The following MFAP1 variants were observed in gnomAD, a reference collection of about 807,000 sequenced individuals.
MFAP1 encodes the protein microfibrillar-associated protein 1.
Under a neutral mutation model 62.2 loss-of-function variants are expected in MFAP1, and 18 were observed. That is an observed-to-expected ratio of 0.29 (90% CI 0.20 to 0.43). The LOEUF is 0.43. Ranked by LOEUF, MFAP1 falls within the 20% of genes least tolerant of loss-of-function variation. The pLI is 1.00. For synonymous variants in MFAP1, 175 were observed against 180.4 expected, an observed-to-expected ratio of 0.97 and a Z score of 0.24; for missense variants, 355 against 559.7, an observed-to-expected ratio of 0.63 and a Z score of 3.69.
At chr15:43,816,928 A>G (rs1251692725) in intron 2 of MFAP1, among the ~76,000 whole-genome samples, 1 of 152,174 alleles carries the variant, frequency 6.6e-6, no homozygotes, top group Non-Finnish European at 1.5e-5. Flanking sequence ...CAGCCAACAA[A>G]TGGTCTGTGT....
chr15:43,807,368 T>G (rs956094736), intron 7 of MFAP1, among the ~76,000 whole-genome samples: 5 of 150,758 alleles, frequency 3.3e-5, no homozygotes, highest in African/African-American at 1.2e-4. Context: ...TTTTTTTTTT[T>G]GATACAGTCT....
intron 4 of MFAP1, 59 bp from the exon 5 acceptor site, chr15:43,813,416 C>G: frequency 6.7e-7 from 1 of 1,494,972 alleles, no homozygotes; most frequent in South Asian, 1.3e-5. Flanking sequence ...GCTTTGTTCC[C>G]CTAGACCTAG....
chr15:43,817,452 G>A lies in MFAP1; in HGVS notation c.80-4C>T, dbSNP rs760637752. 4 of 1,613,856 alleles carry A rather than the reference G, an allele frequency of 2.5e-6. No individual in the cohort carries two copies. The highest frequency in any genetic ancestry group is 2.2e-5 in the East Asian group (1 of 44,902). Reference sequence around the variant, plus strand: ...ACTTTTTCCATTGAAATCTCACCTGGGCGAGAAAGGTAACTTATGTTTCAG... The same window carrying A: ...ACTTTTTCCATTGAAATCTCACCTGAGCGAGAAAGGTAACTTATGTTTCAG... On this transcript the variant is annotated splice_polypyrimidine_tract_variant and splice_region_variant and intron_variant, in intron 1 of 8. Transcript: ENST00000267812.
chr15:43,818,801 T>C (rs777738278), intron 1 of MFAP1, among the ~76,000 whole-genome samples: 1 of 152,038 alleles, frequency 6.6e-6, no homozygotes, highest in Non-Finnish European at 1.5e-5. Flanking sequence ...GGTGGGAGAA[T>C]CACTGGAGCC....
chr15:43,805,095 T>C lies in MFAP1; in HGVS notation c.1319A>G (p.Ter440TrpextTer54), dbSNP rs2087354585. 1 of 1,580,336 alleles carries C rather than the reference T, an allele frequency of 6.3e-7. No homozygotes were observed. Among genetic ancestry groups the C allele is most frequent in the Non-Finnish European group, 8.7e-7 (1 of 1,154,220 alleles). ...GTTGGAAGAATAAGCAGTTGGACCC[T>C]AGGTAGTTTTCCGCTTCTTGGCAGA... is the stretch of plus-strand genomic sequence containing the variant. The part of the protein sequence containing the change: ...RPSAKKRKTT[*>W] Residue 440 changes from the stop codon to tryptophan, a stop_lost, in exon 9 of 9, where the codon TAG becomes TGG. Coordinates refer to ENST00000267812, the MANE Select transcript of MFAP1 (RefSeq NM_005926.3).
At chr15:43,811,655 C>A (rs1189594651) in intron 6 of MFAP1, among the ~76,000 whole-genome samples, 1 of 151,540 alleles carries the variant, frequency 6.6e-6, no homozygotes, top group East Asian at 2.0e-4. Context: ...ATAACAGGCA[C>A]ACACCACCAC....
chr15:43,809,539 T>C (rs1452847023), intron 7 of MFAP1, among the ~76,000 whole-genome samples: 1 of 151,224 alleles, frequency 6.6e-6, no homozygotes, highest in South Asian at 2.1e-4. Context: ...TTTTTGAGAG[T>C]TGGGGCCAAA....
intron 1 of MFAP1, among the ~76,000 whole-genome samples, chr15:43,821,424 C>A (rs2087466288): frequency 6.8e-6 from 1 of 147,440 alleles, no homozygotes; most frequent in African/African-American, 2.5e-5. Flanking sequence ...CAAGACAATG[C>A]TGAAGAAGAA....
In MFAP1 at chr15:43,814,989, G is replaced by C. The variant is rs1305083381; in HGVS notation, c.385C>G (p.Arg129Gly). 9 of 1,613,694 alleles carry C rather than the reference G, an allele frequency of 5.6e-6. No homozygotes were observed. Residue 129 changes from arginine (R) to glycine (G), a missense_variant, in exon 3 of 9, where the codon CGA (arginine) becomes GGA (glycine). Arg to Gly is a moderately radical substitution (Grantham distance 125). Around this residue, in one of 6 missense-constraint regions of MFAP1, gnomAD observed 257 missense variants for 341.3 expected, o/e 0.75. Coordinates refer to ENST00000267812, the MANE Select transcript of MFAP1 (RefSeq NM_005926.3). ...TCCTCTTCTTCACTGCTGTCTTCTC[G>C]TTCCATGCGCCAAGCATCTCCTTCT... ...EVEGDAWRME[R>G]EDSSEEEEEE...
intron 7 of MFAP1, among the ~76,000 whole-genome samples, chr15:43,806,729 A>G (rs975940905): frequency 6.6e-6 from 1 of 152,112 alleles, no homozygotes; most frequent in African/African-American, 2.4e-5. Flanking sequence ...AAAAAACACT[A>G]GGCCTGGTGG....
At chr15:43,811,828 T>C (rs1372545644) in intron 6 of MFAP1, among the ~76,000 whole-genome samples, 1 of 152,086 alleles carries the variant, frequency 6.6e-6, no homozygotes, top group Non-Finnish European at 1.5e-5. Flanking sequence ...TATTGATGGT[T>C]TCCTTTGTAA....
chr15:43,813,159 G>C lies in MFAP1; in HGVS notation c.727-12C>G, dbSNP rs772097392. 3 of 1,614,008 alleles carry C rather than the reference G, an allele frequency of 1.9e-6. No individual in the cohort carries two copies. Among genetic ancestry groups the C allele is most frequent in the Non-Finnish European group, 2.5e-6 (3 of 1,179,986 alleles). ...TCCTCTTCGACAATCTGGATAGGGA[G>C]AACAATTCAGCTTGGACTTCCTTAC... On this transcript the variant is annotated splice_polypyrimidine_tract_variant and intron_variant, in intron 5 of 8. Coordinates refer to ENST00000267812, the MANE Select transcript of MFAP1 (RefSeq NM_005926.3).
At chr15:43,823,027 C>T (rs2087476174) in intron 1 of MFAP1, among the ~76,000 whole-genome samples, 1 of 150,510 alleles carries the variant, frequency 6.6e-6, no homozygotes, top group Non-Finnish European at 1.5e-5. Flanking sequence ...TTAGTAGAGA[C>T]GGTTTCACCA....
intron 2 of MFAP1, among the ~76,000 whole-genome samples, chr15:43,815,679 C>T (rs187258296): frequency 2.0e-5 from 3 of 151,960 alleles, no homozygotes; most frequent in Admixed American, 6.6e-5. Flanking sequence ...GTCACCCAGG[C>T]TGAAGTGCAA....
At position 43,809,868 on chromosome 15, in the gene MFAP1, C is replaced by T. The variant is rs2087388451; in HGVS notation, c.934G>A (p.Glu312Lys). ...AEIERMRNLT[E>K]EERRAELRAN... ...CGAAGTTCAGCTCTCCTCTCTTCCT[C>T]AGTCAGGTTTCGCATGCGTTCAATT... The change falls in exon 7 of 9, where the codon GAG (glutamate) becomes AAG (lysine). Residue 312 changes from glutamate (E) to lysine (K), a missense_variant. By Grantham distance (56) the Glu-to-Lys change is moderately conservative. Around this residue, in one of 6 missense-constraint regions of MFAP1, gnomAD observed 257 missense variants for 341.3 expected, o/e 0.75. Coordinates refer to ENST00000267812, the MANE Select transcript of MFAP1 (RefSeq NM_005926.3). 1 of 1,614,206 alleles carries T rather than the reference C, an allele frequency of 6.2e-7. No individual in the cohort carries two copies.
chr15:43,811,790 G>A (rs1172575610), intron 6 of MFAP1, among the ~76,000 whole-genome samples: 1 of 152,008 alleles, frequency 6.6e-6, no homozygotes, highest in Non-Finnish European at 1.5e-5. Context: ...TTATGGGTGT[G>A]AGCCATCACG....
At position 43,804,814 on chromosome 15, in the gene MFAP1, T is replaced by C. The variant is rs895244275; in HGVS notation, c.*280A>G. On this transcript the variant is annotated 3_prime_UTR_variant, in exon 9 of 9. Transcript: ENST00000267812. ...GAAAGTCAGAACAGTCCCAAGTAAA[T>C]ATGGGAAACCATAGCAGTGATAAAA... is the stretch of plus-strand genomic sequence containing the variant. 2.3e-5 allele frequency: 7 copies of C among 304,784 alleles called. No homozygotes were observed. In the East Asian group the frequency reaches 3.7e-4, roughly 16 times the overall value. 18.9% of individuals were successfully genotyped at this position (304,784 alleles called of 1,614,324 possible).
chr15:43,809,812 A>T lies in MFAP1; in HGVS notation c.990T>A (p.Ala330=), dbSNP rs2228368. ...RANGKVITNK[A]VKGKYKFLQK... is the part of the protein sequence containing the mutation. ...GTAAGAACTTGTATTTGCCCTTAACAGCTTTGTTGGTAATGACTTTGCCGT... is the reference window on the plus strand; with the variant it reads ...GTAAGAACTTGTATTTGCCCTTAACTGCTTTGTTGGTAATGACTTTGCCGT... Residue 330 remains alanine, a synonymous_variant, in exon 7 of 9, where the codon GCT becomes GCA. Coordinates refer to ENST00000267812, the MANE Select transcript of MFAP1 (RefSeq NM_005926.3). 8 of 1,613,956 alleles carry T rather than the reference A, an allele frequency of 5.0e-6. No homozygotes were observed. The African/African-American group carries it at 1.1e-4, about 22-fold the overall frequency.
chr15:43,819,062 C>T (rs994802858), intron 1 of MFAP1, among the ~76,000 whole-genome samples: 7 of 152,142 alleles, frequency 4.6e-5, no homozygotes, highest in Admixed American at 6.6e-5. Context: ...CATGGTGGCA[C>T]AGACTTTTTA....
Sources: gnomAD v4.1 joint callset for allele counts (sites outside exome capture counted in the v4.1 genomes callset) on GRCh38, gnomAD v4.1.1 for gene constraint, gnomAD v4.1.1 regional missense constraint, MANE v1.5 for transcripts, NCBI Gene and HGNC (gene_info 2026-07-23, HGNC 2026-07-21) for gene names.